Variants in PLEKHG1 observed in about 807,000 individuals in gnomAD.
The protein encoded by PLEKHG1 is pleckstrin homology domain-containing family G member 1.
A neutral mutation model predicts 100.8 loss-of-function variants in PLEKHG1; 44 were observed. The ratio of observed to expected loss-of-function variants is 0.44; its 90% confidence interval spans 0.34 to 0.56. The LOEUF (loss-of-function observed/expected upper bound fraction) is 0.56. Among genes scored for constraint, PLEKHG1 ranks in the 20% least tolerant of loss-of-function variants. PLEKHG1 has a pLI of 0.01. For missense variants in PLEKHG1, 1,545 were observed against 1,720.9 expected (o/e 0.90, Z 1.81); for synonymous variants, 640 against 662.5 (o/e 0.97, Z 0.52).
chr6:150,751,146 T>C (rs1337370387), intron 2 of PLEKHG1, among the ~76,000 whole-genome samples: 1 of 152,234 alleles, frequency 6.6e-6, no homozygotes, highest in Non-Finnish European at 1.5e-5. Flanking sequence ...GTTAAGGTAT[T>C]TCAGAAAATT....
intron 3 of PLEKHG1, among the ~76,000 whole-genome samples, chr6:150,710,299 C>G (rs1000985942): frequency 7.2e-5 from 11 of 152,220 alleles, no homozygotes; most frequent in Non-Finnish European, 1.5e-4. Context: ...CAAACAGTGG[C>G]CTGACCACTG....
intron 1 of PLEKHG1, among the ~76,000 whole-genome samples, chr6:150,619,673 A>G (rs1777214263): frequency 1.3e-5 from 2 of 152,222 alleles, no homozygotes; most frequent in Non-Finnish European, 2.9e-5. Context: ...AGCAGGAGTG[A>G]GAGGAAGTAC....
intron 2 of PLEKHG1, among the ~76,000 whole-genome samples, chr6:150,737,393 G>A (rs1005608113): frequency 6.7e-6 from 1 of 149,634 alleles, no homozygotes; most frequent in East Asian, 2.0e-4. Context: ...CCGGGTTCAC[G>A]CCATTCTCCT....
chr6:150,838,563 C>T (rs1777352058), intron 15 of PLEKHG1, among the ~76,000 whole-genome samples: 1 of 152,198 alleles, frequency 6.6e-6, no homozygotes, highest in South Asian at 2.1e-4. Context: ...TGTGCAGATA[C>T]CTGGATTGGG....
intron 6 of PLEKHG1, 53 bp from the exon 8 acceptor site, chr6:150,804,557 C>CTA: frequency 7.1e-7 from 1 of 1,418,358 alleles, no homozygotes; most frequent in Middle Eastern, 1.8e-4. Flanking sequence ...GTTTCACTGT[C>CTA]TATATGAAAA....
chr6:150,769,036 A>G (rs916936448), intron 3 of PLEKHG1, among the ~76,000 whole-genome samples: 2 of 152,180 alleles, frequency 1.3e-5, no homozygotes, highest in African/African-American at 4.8e-5. Context: ...AAGAATATGT[A>G]CTTGCTTAGT....
At chr6:150,709,076 GTA>G (rs1408590022) in intron 3 of PLEKHG1, among the ~76,000 whole-genome samples, 1 of 152,192 alleles carries the variant, frequency 6.6e-6, no homozygotes, top group Non-Finnish European at 1.5e-5. Context: ...GCTCATGCCT[GTA>G]ATCCCAACAC....
chr6:150,758,108 C>G (rs1331483785), intron 2 of PLEKHG1, among the ~76,000 whole-genome samples: 1 of 152,100 alleles, frequency 6.6e-6, no homozygotes, highest in Non-Finnish European at 1.5e-5. Context: ...GATTCTATGT[C>G]TTTGCTATTG....
At chr6:150,731,523 ATAT>A (rs1431116756) in intron 1 of PLEKHG1, among the ~76,000 whole-genome samples, 3 of 152,250 alleles carry the variant, frequency 2.0e-5, no homozygotes, top group African/African-American at 7.2e-5. Flanking sequence ...TATTCTAAAA[ATAT>A]TAGTACCAAC....
At chr6:150,603,988 G>T (rs557144464) in intron 1 of PLEKHG1, among the ~76,000 whole-genome samples, 2 of 152,268 alleles carry the variant, frequency 1.3e-5, no homozygotes, top group African/African-American at 4.8e-5. Flanking sequence ...TAAGAAAGTT[G>T]TTTTGGTAAG....
rs1393643485 is a variant in PLEKHG1 at position 150,840,818 on chromosome 6, G to T, written c.4080G>T (p.Gly1360=). 2.5e-6 allele frequency: 4 copies of T among 1,613,940 alleles called. No homozygotes were observed. The African/African-American group carries it at 4.0e-5, about 16-fold the overall frequency. Residue 1360 remains glycine, a synonymous_variant, in exon 16 of 16, where the codon GGG becomes GGT. Transcript: ENST00000358517. ...AACTGAATGACTATCTTTGGAGGGG[G>T]CCATCTCCCAATCAACAAAATATTG...
chr6:150,653,745 C>T (rs531794749), intron 3 of PLEKHG1, among the ~76,000 whole-genome samples: 3 of 149,936 alleles, frequency 2.0e-5, no homozygotes, highest in Non-Finnish European at 3.0e-5. Flanking sequence ...GAGACCCTAT[C>T]GCAAAAAAAA....
chr6:150,607,006 C>G (rs927539487), intron 1 of PLEKHG1, among the ~76,000 whole-genome samples: 1 of 152,058 alleles, frequency 6.6e-6, no homozygotes, highest in Non-Finnish European at 1.5e-5. Flanking sequence ...AGCATGGACC[C>G]GTTTTCCTTC....
At chr6:150,625,815 C>T (rs1777484794) in intron 1 of PLEKHG1, 1 of 152,198 alleles carries the variant, frequency 6.6e-6, no homozygotes, top group African/African-American at 2.4e-5. Flanking sequence ...CTTTAAAGAC[C>T]CTAGTTCCAA....
chr6:150,802,851 G>A (rs1043607043), intron 6 of PLEKHG1, among the ~76,000 whole-genome samples: 4 of 151,894 alleles, frequency 2.6e-5, no homozygotes, highest in Admixed American at 6.6e-5. Context: ...TAGTAGAGAC[G>A]GGGTTTCACC....
chr6:150,679,743 A>G (rs999696108), intron 3 of PLEKHG1, among the ~76,000 whole-genome samples: 1 of 152,236 alleles, frequency 6.6e-6, no homozygotes, highest in Non-Finnish European at 1.5e-5. Flanking sequence ...CCACCCCATC[A>G]GTATATTAAA....
At chr6:150,782,758 G>A (rs1785385575) in intron 3 of PLEKHG1, among the ~76,000 whole-genome samples, 1 of 152,124 alleles carries the variant, frequency 6.6e-6, no homozygotes, top group Non-Finnish European at 1.5e-5. Context: ...AGTATAAACA[G>A]GTCCTGATGC....
At chr6:150,608,341 A>G (rs1377471004) in intron 1 of PLEKHG1, among the ~76,000 whole-genome samples, 2 of 152,238 alleles carry the variant, frequency 1.3e-5, no homozygotes, top group African/African-American at 4.8e-5. Flanking sequence ...CCTGAGGAAC[A>G]GAAGGAGACT....
chr6:150,658,327 C>A (rs1779048715), intron 3 of PLEKHG1, among the ~76,000 whole-genome samples: 1 of 152,050 alleles, frequency 6.6e-6, no homozygotes, highest in Admixed American at 6.6e-5. Context: ...CAAGGAATTG[C>A]AATTGATCTT....
Sources: gnomAD v4.1 joint callset for allele counts (sites outside exome capture counted in the v4.1 genomes callset) on GRCh38, gnomAD v4.1.1 for gene constraint, MANE v1.5 for transcripts, NCBI Gene and HGNC (gene_info 2026-07-23, HGNC 2026-07-21) for gene names.